SLC13A1: variants seen among roughly 807,000 people sequenced by gnomAD.
SLC13A1 encodes the protein Na(+)/sulfate cotransporter.
A neutral mutation model predicts 70.0 loss-of-function variants in SLC13A1; 65 were observed. The ratio of observed to expected loss-of-function variants is 0.93; its 90% CI spans 0.76 to 1.14. The LOEUF (loss-of-function observed/expected upper bound fraction) is 1.14, where lower values mean the gene tolerates loss of function less well. SLC13A1 is among the 50% of genes most tolerant of loss of function. The probability of loss-of-function intolerance (pLI) is 0.00; values close to 1 mark genes in which losing one functional copy is unlikely to be tolerated. For synonymous variants in SLC13A1, 275 were observed against 250.5 expected, an observed-to-expected ratio of 1.10 and a Z score of -0.92; for missense variants, 726 against 717.8, an observed-to-expected ratio of 1.01 and a Z score of -0.13.
At chr7:123,151,870 A>G (rs1261717791) in intron 6 of SLC13A1, among the ~76,000 whole-genome samples, 2 of 151,878 alleles carry the variant, frequency 1.3e-5, no homozygotes, top group African/African-American at 4.8e-5. Flanking sequence ...ACTCTGTTCA[A>G]TTTTCTCCAC....
In SLC13A1 at chr7:123,159,139, A is replaced by C. The variant is rs527462323; in HGVS notation, c.660+9235T>G. Among the ~76,000 whole-genome samples the C allele has an allele frequency of 2.6e-5, 4 of 152,270 alleles. No homozygotes were observed. In the South Asian group the frequency reaches 8.3e-4, roughly 32 times the overall value. ...ATAGAAAGCGATGGTCTAAGTTAAA[A>C]TATCCTAGGCTCTTTATACTGTTCA... On this transcript the variant is annotated intron_variant, in intron 6 of 14. Coordinates refer to ENST00000194130, the MANE Select transcript of SLC13A1 (RefSeq NM_022444.4).
intron 1 of SLC13A1, among the ~76,000 whole-genome samples, chr7:123,192,995 A>T (rs1217330706): frequency 1.3e-5 from 2 of 152,064 alleles, no homozygotes; most frequent in Admixed American, 1.3e-4. Flanking sequence ...GGAAATTTTT[A>T]GTTCCTCCTT....
chr7:123,157,659 A>G (rs1794757001), intron 6 of SLC13A1, among the ~76,000 whole-genome samples: 1 of 152,124 alleles, frequency 6.6e-6, no homozygotes, highest in African/African-American at 2.4e-5. Flanking sequence ...ATATAATAAC[A>G]TAGCATATTT....
chr7:123,167,814 T>C (rs1336184865), intron 6 of SLC13A1, among the ~76,000 whole-genome samples: 2 of 152,066 alleles, frequency 1.3e-5, no homozygotes. Flanking sequence ...CGAGTTGTAA[T>C]TACATGAATA....
chr7:123,120,202 C>T (rs1793329317), intron 12 of SLC13A1, among the ~76,000 whole-genome samples: 1 of 152,072 alleles, frequency 6.6e-6, no homozygotes, highest in Non-Finnish European at 1.5e-5. Context: ...CTCCTCCCCA[C>T]TTTGTGGGAA....
chr7:123,144,334 A>G (rs1026121708), intron 7 of SLC13A1, among the ~76,000 whole-genome samples: 1 of 152,208 alleles, frequency 6.6e-6, no homozygotes, highest in African/African-American at 2.4e-5. Context: ...GATTTAGAAG[A>G]GAAACTGAAG....
intron 1 of SLC13A1, among the ~76,000 whole-genome samples, chr7:123,194,030 A>C (rs1471423113): frequency 6.6e-6 from 1 of 152,152 alleles, no homozygotes; most frequent in Non-Finnish European, 1.5e-5. Context: ...CAACACAGTT[A>C]TTAACTATCT....
chr7:123,195,920 T>C (rs1382076712), intron 1 of SLC13A1, among the ~76,000 whole-genome samples: 4 of 152,192 alleles, frequency 2.6e-5, no homozygotes, highest in Middle Eastern at 3.4e-3. Flanking sequence ...ACAAATATAA[T>C]ATATTGTTGT....
rs1264570178 is a variant in SLC13A1 at position 123,128,914 on chromosome 7, AT to A, written c.1063del (p.Ile355LeufsTer2). Reference sequence around the variant, plus strand: ...ACTAAACCATAGCAGAGCCATTATAATGAAGAGGACCAAGGTCACAATTTCT... The same window carrying A: ...ACTAAACCATAGCAGAGCCATTATAAGAAGAGGACCAAGGTCACAATTTCT... ...YQEIVTLVLF[I>X]IMALLWFSRD... On this transcript the variant is annotated frameshift_variant, in exon 10 of 15. Coordinates refer to ENST00000194130, the MANE Select transcript of SLC13A1 (RefSeq NM_022444.4). LOFTEE classifies it high-confidence loss of function. The A allele has an allele frequency of 5.0e-6, 8 of 1,613,422 alleles. No homozygotes were observed. Among genetic ancestry groups the A allele is most frequent in the Non-Finnish European group, 6.8e-6 (8 of 1,179,680 alleles).
At chr7:123,134,616 T>G in intron 7 of SLC13A1, 87 bp from the exon 8 acceptor site, 3 of 1,268,886 alleles carry the variant, frequency 2.4e-6, no homozygotes, top group Non-Finnish European at 3.3e-6. Flanking sequence ...AGTCCACCTC[T>G]TTCCTGTGTT....
chr7:123,168,487 A>G lies in SLC13A1; in HGVS notation c.611+17T>C, dbSNP rs1718196511. The G allele has an allele frequency of 6.2e-7, 1 of 1,604,062 alleles. No individual in the cohort carries two copies. Among genetic ancestry groups the G allele is most frequent in the African/African-American group, 1.3e-5 (1 of 74,714 alleles). On this transcript the variant is annotated intron_variant, in intron 5 of 14. Transcript: ENST00000194130. ...ATAATTTGGAAAAATCCCAATCAAAATGTCAGTATTCCTTACCCTGGAACT... is the reference window on the plus strand; with the variant it reads ...ATAATTTGGAAAAATCCCAATCAAAGTGTCAGTATTCCTTACCCTGGAACT...
chr7:123,165,451 A>C (rs907108951), intron 6 of SLC13A1, among the ~76,000 whole-genome samples: 1 of 152,090 alleles, frequency 6.6e-6, no homozygotes, highest in African/African-American at 2.4e-5. Flanking sequence ...CATTCTAATC[A>C]ATGGCATCAC....
chr7:123,166,639 G>A (rs980808061), intron 6 of SLC13A1, among the ~76,000 whole-genome samples: 5 of 152,038 alleles, frequency 3.3e-5, no homozygotes, highest in African/African-American at 1.2e-4. Context: ...GTGAGAACAT[G>A]TGGTGTTTGG....
chr7:123,169,627 G>C (rs577946327), intron 3 of SLC13A1, among the ~76,000 whole-genome samples: 1 of 149,556 alleles, frequency 6.7e-6, no homozygotes, highest in African/African-American at 2.5e-5. Flanking sequence ...ACTGCAAGTT[G>C]GTTATATGAC....
intron 2 of SLC13A1, among the ~76,000 whole-genome samples, chr7:123,178,730 G>A (rs117992415): frequency 0.022 from 3,369 of 152,176 alleles, 58 homozygotes; most frequent in Non-Finnish European, 0.03. Flanking sequence ...ACAAGTCTGA[G>A]AACAGTTTTC....
chr7:123,131,191 A>G (rs1364680232), intron 8 of SLC13A1, among the ~76,000 whole-genome samples: 3 of 152,206 alleles, frequency 2.0e-5, no homozygotes, highest in African/African-American at 7.2e-5. Context: ...TTTATGATCA[A>G]TTAGGAAATA....
At chr7:123,121,796 T>C in intron 12 of SLC13A1, among the ~76,000 whole-genome samples, 1 of 152,282 alleles carries the variant, frequency 6.6e-6, no homozygotes, top group South Asian at 2.1e-4. Context: ...TATCTGGTTC[T>C]GGACACTTGC....
chr7:123,120,101 C>T (rs1215419367), intron 12 of SLC13A1, among the ~76,000 whole-genome samples: 1 of 151,962 alleles, frequency 6.6e-6, no homozygotes, highest in Non-Finnish European at 1.5e-5. Context: ...ATATTTCCTC[C>T]TCCTGCTCCA....
At chr7:123,189,089 T>C (rs895994627) in intron 1 of SLC13A1, among the ~76,000 whole-genome samples, 1 of 108,998 alleles carries the variant, frequency 9.2e-6, no homozygotes, top group Non-Finnish European at 1.7e-5. Context: ...CACTCCAGCC[T>C]GGGCGACAGA....
Sources: gnomAD v4.1 joint callset for allele counts (sites outside exome capture counted in the v4.1 genomes callset) on GRCh38, gnomAD v4.1.1 for gene constraint, MANE v1.5 for transcripts, NCBI Gene and HGNC (gene_info 2026-07-23, HGNC 2026-07-21) for gene names.